SLC24A3: variants seen among roughly 807,000 people sequenced by gnomAD.
The protein encoded by SLC24A3 is solute carrier family 24 member 3.
A neutral mutation model predicts 75.8 loss-of-function variants in SLC24A3; 28 were observed. The ratio of observed to expected loss-of-function variants is 0.37; its 90% confidence interval spans 0.27 to 0.51. SLC24A3 has a LOEUF of 0.51. Among genes scored for constraint, SLC24A3 ranks in the 20% least tolerant of loss-of-function variants. SLC24A3 has a pLI of 0.94. For synonymous variants in SLC24A3, 372 were observed against 334.1 expected, an observed-to-expected ratio of 1.11 and a Z score of -1.24; for missense variants, 663 against 847.8, an observed-to-expected ratio of 0.78 and a Z score of 2.71.
intron 2 of SLC24A3, among the ~76,000 whole-genome samples, chr20:19,508,621 C>T (rs1009947415): frequency 6.6e-6 from 1 of 152,144 alleles, no homozygotes; most frequent in Non-Finnish European, 1.5e-5. Context: ...TTGCTGTTGC[C>T]TTGGTAAGGG....
At position 19,290,677 on chromosome 20, in the gene SLC24A3, G is replaced by A. The variant is rs577696659; in HGVS notation, c.271+9590G>A. ...GTCTATGGTGTTCTATTATAGCAGC[G>A]TGAACAGCAGGTGAGAATGGTGGCC... On this transcript the variant is annotated intron_variant, in intron 2 of 16. Transcript: ENST00000328041. Among the ~76,000 whole-genome samples, 10 of 152,234 alleles carry A rather than the reference G, an allele frequency of 6.6e-5. No homozygotes were observed. The East Asian group carries it at 1.2e-3, about 18-fold the overall frequency.
chr20:19,238,674 G>C (rs894811482), intron 1 of SLC24A3, among the ~76,000 whole-genome samples: 1 of 152,214 alleles, frequency 6.6e-6, no homozygotes, highest in Admixed American at 6.5e-5. Context: ...GAGACCAAGA[G>C]AGAGTCCTAA....
At chr20:19,658,129 G>C (rs1267715772) in intron 7 of SLC24A3, among the ~76,000 whole-genome samples, 1 of 152,142 alleles carries the variant, frequency 6.6e-6, no homozygotes, top group East Asian at 1.9e-4. Flanking sequence ...GCTGTTCTGT[G>C]TACACGCCCA....
intron 2 of SLC24A3, among the ~76,000 whole-genome samples, chr20:19,474,779 C>T (rs896848816): frequency 1.3e-5 from 2 of 152,128 alleles, no homozygotes; most frequent in Non-Finnish European, 2.9e-5. Context: ...TTCAATTGTA[C>T]AGCATCTCAT....
At chr20:19,680,007 T>C (rs2032592282) in intron 9 of SLC24A3, among the ~76,000 whole-genome samples, 1 of 147,838 alleles carries the variant, frequency 6.8e-6, no homozygotes, top group Non-Finnish European at 1.5e-5. Context: ...TGTGTCTGTG[T>C]GTTGTCTGTG....
chr20:19,398,993 G>T (rs2328381), intron 2 of SLC24A3, among the ~76,000 whole-genome samples: 3,013 of 152,120 alleles, frequency 0.02, 106 homozygotes, highest in African/African-American at 0.067. Context: ...GTAGATGAGG[G>T]CTATTCAAAT....
At chr20:19,288,009 A>T (rs564230275) in intron 2 of SLC24A3, among the ~76,000 whole-genome samples, 1 of 152,356 alleles carries the variant, frequency 6.6e-6, no homozygotes, top group Non-Finnish European at 1.5e-5. Context: ...TGCTTAATAA[A>T]TTGTAGCCAT....
At chr20:19,517,482 A>C (rs1174094245) in intron 3 of SLC24A3, among the ~76,000 whole-genome samples, 1 of 152,146 alleles carries the variant, frequency 6.6e-6, no homozygotes, top group Non-Finnish European at 1.5e-5. Flanking sequence ...GTGGTAGTGC[A>C]TTTCCAGGCT....
rs1164485509 is a variant in SLC24A3, at chr20:19,325,777, C to CATATATATATATAT, written c.271+44696_271+44709dup. ...GTATACATACATACATATATATATA[C>CATATATATATATAT]ATATATATATATATATATAGAGAGA... On this transcript the variant is annotated intron_variant, in intron 2 of 16. Coordinates refer to ENST00000328041, the MANE Select transcript of SLC24A3 (RefSeq NM_020689.4). 1.9e-3 allele frequency among the ~76,000 whole-genome samples: 111 copies of CATATATATATATAT among 58,344 alleles called. 2 individuals are homozygous for CATATATATATATAT. Among genetic ancestry groups the CATATATATATATAT allele is most frequent in the East Asian group, 6.6e-3 (11 of 1,674 alleles). The allele number at this position is 58,344 out of a possible 152,430, so 38.3% of individuals were successfully genotyped here. A position where few individuals can be genotyped will look rare whatever the true frequency, so the allele number is the denominator to read the frequency against.
Position 19,684,994 on chromosome 20 carries a change from A to G in SLC24A3, c.1063-106A>G, listed in dbSNP as rs538207342. ...AAAACTTGACTCCAGGGTCTTCTGG[A>G]AGCATATCGTCAGCTGCCAGGGAAA... On this transcript the variant is annotated intron_variant, in intron 11 of 16. Coordinates refer to ENST00000328041, the MANE Select transcript of SLC24A3 (RefSeq NM_020689.4). The G allele has an allele frequency of 8.5e-6, 12 of 1,405,206 alleles. No homozygotes were observed. The African/African-American group carries it at 1.7e-4, about 20-fold the overall frequency. 87.0% of individuals were successfully genotyped at this position (1,405,206 alleles called of 1,614,324 possible). A position where few individuals can be genotyped will look rare whatever the true frequency, so the allele number is the denominator to read the frequency against.
At chr20:19,434,353 G>T (rs934112629) in intron 2 of SLC24A3, among the ~76,000 whole-genome samples, 3 of 152,210 alleles carry the variant, frequency 2.0e-5, no homozygotes, top group African/African-American at 7.2e-5. Flanking sequence ...AGCTGAACAA[G>T]GTGCGAGAGA....
At chr20:19,294,980 T>G (rs1984027253) in intron 2 of SLC24A3, among the ~76,000 whole-genome samples, 1 of 152,232 alleles carries the variant, frequency 6.6e-6, no homozygotes, top group African/African-American at 2.4e-5. Flanking sequence ...GTTTCTTAAC[T>G]TTTTAATAAT....
At chr20:19,489,115 G>A (rs1469174983) in intron 2 of SLC24A3, among the ~76,000 whole-genome samples, 1 of 152,136 alleles carries the variant, frequency 6.6e-6, no homozygotes, top group African/African-American at 2.4e-5. Context: ...AAGTCACCTA[G>A]CCTAATTCAA....
chr20:19,423,979 G>A (rs1243830995), intron 2 of SLC24A3, among the ~76,000 whole-genome samples: 2 of 152,170 alleles, frequency 1.3e-5, no homozygotes. Context: ...ACGTTTAAAG[G>A]AAGTGAAGTT....
At chr20:19,633,675 GC>G (rs2031965840) in intron 6 of SLC24A3, among the ~76,000 whole-genome samples, 1 of 137,548 alleles carries the variant, frequency 7.3e-6, no homozygotes, top group African/African-American at 2.8e-5. Context: ...AAAAAAGAAT[GC>G]CAGTAGTATT....
intron 6 of SLC24A3, among the ~76,000 whole-genome samples, chr20:19,598,678 TG>T (rs1305543001): frequency 1.3e-5 from 2 of 152,078 alleles, no homozygotes; most frequent in Non-Finnish European, 2.9e-5. Flanking sequence ...TACCAGCAGC[TG>T]GGGGACTCAA....
At chr20:19,350,832 C>T (rs1335817461) in intron 2 of SLC24A3, among the ~76,000 whole-genome samples, 1 of 152,088 alleles carries the variant, frequency 6.6e-6, no homozygotes, top group Non-Finnish European at 1.5e-5. Flanking sequence ...GGGTACAGAC[C>T]GTGCTGTTTC....
rs545464992 is a variant in SLC24A3 at position 19,511,397 on chromosome 20, C to A, written c.272-4091C>A. Among the ~76,000 whole-genome samples, 47 of 151,306 alleles carry A rather than the reference C, an allele frequency of 3.1e-4. No individual in the cohort carries two copies. The Middle Eastern group carries it at 0.024, about 77-fold the overall frequency. On this transcript the variant is annotated intron_variant, in intron 2 of 16. Coordinates refer to ENST00000328041, the MANE Select transcript of SLC24A3 (RefSeq NM_020689.4). The stretch of plus-strand genomic sequence containing the variant: ...GGCTGGAGTACAGTGGCGTGATCTC[C>A]GCTCACTGCAAGCTCCGCCTCTCAG...
At chr20:19,582,929 C>A (rs534494259) in intron 4 of SLC24A3, among the ~76,000 whole-genome samples, 22 of 152,202 alleles carry the variant, frequency 1.4e-4, no homozygotes, top group African/African-American at 5.3e-4. Context: ...GCTTTGGGAC[C>A]CATGTGGAGG....
Sources: gnomAD v4.1 joint callset for allele counts (sites outside exome capture counted in the v4.1 genomes callset) on GRCh38, gnomAD v4.1.1 for gene constraint, MANE v1.5 for transcripts, NCBI Gene and HGNC (gene_info 2026-07-23, HGNC 2026-07-21) for gene names.